Variants in PRKX observed in about 807,000 individuals in gnomAD.
PRKX encodes cAMP-dependent protein kinase catalytic subunit PRKX.
PRKX carries 12 observed loss-of-function variants against 22.0 expected under a neutral mutation model. The observed-to-expected ratio is 0.54, with a 90% CI of 0.35 to 0.88. The LOEUF is 0.88. Ranked by LOEUF, PRKX falls within the 40% of genes least tolerant of loss-of-function variation. The pLI, the probability that PRKX is intolerant of heterozygous loss-of-function variation, is 0.01. For missense variants in PRKX, 217 were observed against 308.0 expected (o/e 0.70, Z 2.21); for synonymous variants, 134 against 137.7 (o/e 0.97, Z 0.19).
chrX:3,700,740 A>G (rs1928546628), intron 1 of PRKX, among the ~76,000 whole-genome samples: 1 of 74,213 alleles, frequency 1.3e-5, no homozygotes, highest in South Asian at 5.8e-4. Flanking sequence ...CACCACGCCC[A>G]GCTAATTGTT....
chrX:3,662,694 C>CAAAAAAAA (rs55726241), intron 2 of PRKX, among the ~76,000 whole-genome samples: 2 of 44,205 alleles, frequency 4.5e-5, no homozygotes, highest in Admixed American at 3.6e-4. Flanking sequence ...GACTCCATCT[C>CAAAAAAAA]AAAAAAAAAA....
rs374033635 is a variant in PRKX at position 3,689,925 on chromosome X, C to T, written c.167-15159G>A. Among the ~76,000 whole-genome samples, 398 of 109,764 alleles carry T rather than the reference C, an allele frequency of 3.6e-3. 2 individuals carry two copies. Among genetic ancestry groups the T allele is most frequent in the African/African-American group, 0.012 (371 of 30,166 alleles). On this transcript the variant is annotated intron_variant, in intron 1 of 8. Transcript: ENST00000262848. ...CCGGGAGGCAGAGCTTGCAGTGAGCCGAGATGGCACCACTGCACTCCAGCC... is the reference window on the plus strand; with the variant it reads ...CCGGGAGGCAGAGCTTGCAGTGAGCTGAGATGGCACCACTGCACTCCAGCC...
At chrX:3,632,234 T>C (rs1926798989) in intron 4 of PRKX, among the ~76,000 whole-genome samples, 1 of 111,591 alleles carries the variant, frequency 9.0e-6, no homozygotes, top group African/African-American at 3.3e-5. Flanking sequence ...GGGTATCTCT[T>C]TGGGCCGCTG....
chrX:3,681,760 T>C (rs1402161717), intron 1 of PRKX, among the ~76,000 whole-genome samples: 2 of 109,973 alleles, frequency 1.8e-5, no homozygotes, highest in Non-Finnish European at 3.8e-5. Flanking sequence ...AGAAAACACA[T>C]TTCTCACTGT....
intron 2 of PRKX, among the ~76,000 whole-genome samples, chrX:3,657,894 A>T (rs975495703): frequency 1.8e-5 from 2 of 111,875 alleles, no homozygotes; most frequent in African/African-American, 6.5e-5. Flanking sequence ...TTACAAATAC[A>T]GTTTGGAGAG....
At chrX:3,618,683 G>A (rs1926491034) in intron 6 of PRKX, among the ~76,000 whole-genome samples, 2 of 111,314 alleles carry the variant, frequency 1.8e-5, no homozygotes, top group South Asian at 7.7e-4. Flanking sequence ...TCCATATCAG[G>A]AAGCTTTAAC....
intron 1 of PRKX, among the ~76,000 whole-genome samples, chrX:3,698,288 C>T (rs1330808886): frequency 9.0e-6 from 1 of 111,418 alleles, no homozygotes; most frequent in Non-Finnish European, 1.9e-5. Context: ...AAATGCAAAG[C>T]ATCCTACTGA....
At position 3,615,818 on chromosome X, in the gene PRKX, C is replaced by G. The variant is rs367895997; in HGVS notation, c.948G>C (p.Leu316=). 4.5e-5 allele frequency: 54 copies of G among 1,201,183 alleles called. No homozygotes were observed. The highest frequency in any genetic ancestry group is 5.5e-5 in the Non-Finnish European group (49 of 889,950). The change falls in exon 7 of 9, where the codon CTG becomes CTC. Residue 316 remains leucine (L), a synonymous_variant. Transcript: ENST00000262848. The part of the protein sequence containing the change: ...VDWEAVPQRK[L]KPPIVPKIAG... ...CACCCACTGATATGTGTTGTACCTT[C>G]AGTTTTCTCTGCGGAACAGCTTCCC...
intron 1 of PRKX, among the ~76,000 whole-genome samples, chrX:3,705,969 G>C (rs1325098478): frequency 3.9e-5 from 4 of 102,640 alleles, no homozygotes; most frequent in African/African-American, 1.5e-4. Flanking sequence ...TGGGATTACA[G>C]GCATGAGCCA....
chrX:3,663,443 C>CACAA (rs1320075206), intron 2 of PRKX, among the ~76,000 whole-genome samples: 1 of 77,714 alleles, frequency 1.3e-5, no homozygotes, highest in African/African-American at 4.8e-5. Flanking sequence ...CACACACACA[C>CACAA]ACACACACAC....
chrX:3,704,841 C>T (rs1287687673), intron 1 of PRKX, among the ~76,000 whole-genome samples: 2 of 111,777 alleles, frequency 1.8e-5, no homozygotes, highest in Non-Finnish European at 3.8e-5. Flanking sequence ...CATCTGCTGA[C>T]GGGCAAGTGG....
At chrX:3,712,368 C>G (rs1212560075) in intron 1 of PRKX, among the ~76,000 whole-genome samples, 3 of 111,737 alleles carry the variant, frequency 2.7e-5, no homozygotes, top group Non-Finnish European at 5.7e-5. Context: ...TAAAGCAGCG[C>G]GTGTCCGGAT....
chrX:3,688,725 C>T lies in PRKX; in HGVS notation c.167-13959G>A, dbSNP rs999628177. 5.5e-5 allele frequency among the ~76,000 whole-genome samples: 6 copies of T among 109,535 alleles called. No individual in the cohort carries two copies. The Admixed American group carries it at 5.9e-4, about 11-fold the overall frequency. Reference sequence around the variant, plus strand: ...AAAAAAAAAATTTTTTTTAATGAGCCGGGTGTGGTGGTATGCTCCAGTAGT... The same window carrying T: ...AAAAAAAAAATTTTTTTTAATGAGCTGGGTGTGGTGGTATGCTCCAGTAGT... On this transcript the variant is annotated intron_variant, in intron 1 of 8. Transcript: ENST00000262848.
intron 4 of PRKX, among the ~76,000 whole-genome samples, chrX:3,636,734 C>T (rs1237497958): frequency 8.9e-6 from 1 of 111,849 alleles, no homozygotes; most frequent in Non-Finnish European, 1.9e-5. Context: ...GTGGCGCACA[C>T]CTGTAATCCC....
At chrX:3,634,451 A>G (rs1331963528) in intron 4 of PRKX, among the ~76,000 whole-genome samples, 1 of 109,203 alleles carries the variant, frequency 9.2e-6, no homozygotes, top group Non-Finnish European at 1.9e-5. Flanking sequence ...GCATCACAGC[A>G]GTGGCCCTCA....
intron 3 of PRKX, among the ~76,000 whole-genome samples, chrX:3,648,797 C>T (rs1369443164): frequency 4.5e-5 from 5 of 110,212 alleles, no homozygotes; most frequent in African/African-American, 6.6e-5. Context: ...AGAGCTGTTG[C>T]ACCTGGCATG....
At chrX:3,662,642 C>T (rs1221483276) in intron 2 of PRKX, among the ~76,000 whole-genome samples, 1 of 98,988 alleles carries the variant, frequency 1.0e-5, no homozygotes. Context: ...TTGCAGTGAA[C>T]CAAGATCACA....
At chrX:3,673,537 G>A (rs1317518157) in intron 2 of PRKX, among the ~76,000 whole-genome samples, 1 of 110,764 alleles carries the variant, frequency 9.0e-6, no homozygotes, top group East Asian at 2.9e-4. Context: ...CAGGTAGGAG[G>A]GAAGCCAGTA....
At chrX:3,648,633 T>TGTGTGTGTGTGTGTGTGTGC (rs1927243217) in intron 3 of PRKX, among the ~76,000 whole-genome samples, 2 of 105,472 alleles carry the variant, frequency 1.9e-5, no homozygotes, top group African/African-American at 7.0e-5. Flanking sequence ...TGTGTGTGTG[T>TGTGTGTGTGTGTGTGTGTGC]GTGTGTGTGT....
Sources: allele counts gnomAD v4.1 joint callset (sites outside exome capture counted in the v4.1 genomes callset), GRCh38; gene constraint gnomAD v4.1.1; transcripts MANE v1.5; gene names NCBI Gene and HGNC (gene_info 2026-07-23, HGNC 2026-07-21).